SELENON: variants seen among roughly 807,000 people sequenced by gnomAD.
SELENON encodes selenoprotein N, 1.
In SELENON, 44 loss-of-function variants were observed where a neutral mutation model predicts 59.5. The observed-to-expected ratio is 0.74, with a 90% CI of 0.58 to 0.95. SELENON has a LOEUF of 0.95. Among genes scored for constraint, SELENON ranks in the 40% least tolerant of loss-of-function variants. The probability of loss-of-function intolerance (pLI) is 0.00; values close to 1 mark genes in which losing one functional copy is unlikely to be tolerated. For synonymous variants in SELENON, 320 were observed against 305.6 expected (o/e 1.05, Z -0.49); for missense variants, 674 against 721.4 (o/e 0.93, Z 0.75).
intron 10 of SELENON, chr1:25,813,443 AG>A: frequency 5.8e-6 from 2 of 342,562 alleles, no homozygotes; most frequent in South Asian, 4.6e-5. Context: ...AGTGTTCTAC[AG>A]GGGACAGTCC....
chr1:25,809,273 C>A, intron 6 of SELENON, 123 bp downstream of exon 5: 1 of 1,450,588 alleles, frequency 6.9e-7, no homozygotes, highest in Non-Finnish European at 9.4e-7. Flanking sequence ...CTTGGGCAAG[C>A]AGCTTTGGCT....
At position 25,813,912 on chromosome 1, in the gene SELENON, G is replaced by A. The variant is rs746181391; in HGVS notation, c.1419G>A (p.Leu473=). The change falls in exon 11 of 13, where the codon CTG becomes CTA. Residue 473 remains leucine, a synonymous_variant. Coordinates refer to ENST00000361547, the MANE Select transcript of SELENON (RefSeq NM_020451.3). Reference sequence around the variant, plus strand: ...GGCGGACTCTCCGGGAGACTGTCCTGGAAAGTTCGCCCATCCTCACCCTGC... The same window carrying A: ...GGCGGACTCTCCGGGAGACTGTCCTAGAAAGTTCGCCCATCCTCACCCTGC... 19 of 1,613,980 alleles carry A rather than the reference G, an allele frequency of 1.2e-5. No individual in the cohort carries two copies. The Admixed American group carries it at 2.0e-4, about 17-fold the overall frequency.
In SELENON at chr1:25,809,745, A is replaced by G. The variant is rs775897489; in HGVS notation, c.935A>G (p.Gln312Arg). Residue 312 changes from glutamine to arginine, a missense_variant, in exon 7 of 13, where the codon CAG becomes CGG. Coordinates refer to ENST00000361547, the MANE Select transcript of SELENON (RefSeq NM_020451.3). ...TTCCCCTTTTGGTTCTCCCCTGCTCAGTTCACCGGCCACATCATCCTCTCC... is the reference window on the plus strand; with the variant it reads ...TTCCCCTTTTGGTTCTCCCCTGCTCGGTTCACCGGCCACATCATCCTCTCC... The G allele has an allele frequency of 4.0e-5, 65 of 1,613,936 alleles. 1 individual carries two copies. Among genetic ancestry groups the G allele is most frequent in the South Asian group, 2.3e-4 (21 of 91,084 alleles).
chr1:25,809,607 T>C (rs2047940362), intron 6 of SELENON, 76 bp from the exon 6 acceptor site: 1 of 1,600,760 alleles, frequency 6.2e-7, no homozygotes, highest in Non-Finnish European at 8.5e-7. Flanking sequence ...CTCTCCCTGA[T>C]GATTCTGGCC....
Position 25,811,759 on chromosome 1 carries a change from C to T in SELENON, c.1161C>T (p.Asp387=), listed in dbSNP as rs1394818055. 5.6e-6 allele frequency: 9 copies of T among 1,597,804 alleles called. No individual in the cohort carries two copies. The highest frequency in any genetic ancestry group is 7.7e-6 in the Non-Finnish European group (9 of 1,172,694). ...TGGATGAGGATGGCAGCATGATCGA[C>T]AGCCACCTGCCTTCAGGGGAGCCCC... Residue 387 remains aspartate, a synonymous_variant, in exon 9 of 13, where the codon GAC becomes GAT. Coordinates refer to ENST00000361547, the MANE Select transcript of SELENON (RefSeq NM_020451.3).
Position 25,808,435 on chromosome 1 carries a change from C to G in SELENON, c.538-145C>G, listed in dbSNP as rs4659382. On this transcript the variant is annotated intron_variant, in intron 4 of 12. Coordinates refer to ENST00000361547, the MANE Select transcript of SELENON (RefSeq NM_020451.3). ...GGGATATTGCTAAGCTTGTGGCCAT[C>G]ATAAGGGCAGGAACCTCCCTGGGGT... 0.24 allele frequency: 210,316 copies of G among 872,964 alleles called. 27,600 individuals are homozygous for G. Among genetic ancestry groups the G allele is most frequent in the East Asian group, 0.37 (14,905 of 40,600 alleles). The allele number at this position is 872,964 out of a possible 1,614,324, so 54.1% of individuals were successfully genotyped here. A position where few individuals can be genotyped will look rare whatever the true frequency, so the allele number is the denominator to read the frequency against.
chr1:25,809,522 C>T (rs767455951), intron 6 of SELENON, among the ~76,000 whole-genome samples, 161 bp from the exon 6 acceptor site: 1 of 152,146 alleles, frequency 6.6e-6, no homozygotes, highest in Non-Finnish European at 1.5e-5. Context: ...ACCCGGGCCT[C>T]GAAGGATGAG....
At chr1:25,800,498 G>T in intron 1 of SELENON, 85 bp downstream of exon 1, 1 of 749,898 alleles carries the variant, frequency 1.3e-6, no homozygotes, top group Non-Finnish European at 1.7e-6. Context: ...CATGGGCATG[G>T]ACGAGTCGGG....
rs1183908348 is a variant in SELENON, at chr1:25,816,389, G to C, written c.*671G>C. The C allele has an allele frequency of 2.0e-5, 3 of 152,890 alleles. No individual in the cohort carries two copies. Among genetic ancestry groups the C allele is most frequent in the African/African-American group, 7.2e-5 (3 of 41,476 alleles). The allele number at this position is 152,890 out of a possible 1,614,324, so 9.5% of individuals were successfully genotyped here. On this transcript the variant is annotated 3_prime_UTR_variant, in exon 13 of 13. Coordinates refer to ENST00000361547, the MANE Select transcript of SELENON (RefSeq NM_020451.3). ...ATCTGGGGAAGTTTACTGTGAAGGG[G>C]TTTCTGCCTTTAGCAATGGGGTTCA...
chr1:25,801,228 C>G, intron 2 of SELENON, 68 bp downstream of exon 2: 6 of 1,252,190 alleles, frequency 4.8e-6, no homozygotes, highest in Non-Finnish European at 7.1e-6. Context: ...TGAGCAGGAG[C>G]GGCCGTCTGG....
intron 1 of SELENON, 90 bp downstream of exon 1, chr1:25,800,503 G>A (rs1190010622): frequency 5.6e-6 from 4 of 717,534 alleles, no homozygotes; most frequent in Non-Finnish European, 7.1e-6. Flanking sequence ...GCATGGACGA[G>A]TCGGGGGAGG....
intron 9 of SELENON, 80 bp from the exon 9 acceptor site, chr1:25,812,605 ACT>A: frequency 1.1e-6 from 1 of 879,642 alleles, no homozygotes; most frequent in Non-Finnish European, 1.8e-6. Flanking sequence ...ACACACACAC[ACT>A]TGCACACACT....
rs543078948 is a variant in SELENON at position 25,807,047 on chromosome 1, C to G, written c.538-1533C>G. Among the ~76,000 whole-genome samples the G allele has an allele frequency of 5.9e-5, 9 of 152,198 alleles. No individual in the cohort carries two copies. Among genetic ancestry groups the G allele is most frequent in the African/African-American group, 1.7e-4 (7 of 41,524 alleles). On this transcript the variant is annotated intron_variant, in intron 4 of 12. Transcript: ENST00000361547. The surrounding 1 kb of genome is among the most constrained non-coding windows in gnomAD (Gnocchi z 4.5). ...CCATGTTGACCAGGATGGTTTCAATCTCCTGACCTCGTGATCCACCTGCCT... is the reference window on the plus strand; with the variant it reads ...CCATGTTGACCAGGATGGTTTCAATGTCCTGACCTCGTGATCCACCTGCCT...
At position 25,800,214 on chromosome 1, in the gene SELENON, C is replaced by T; in HGVS notation, c.-17C>T. 5 of 641,302 alleles carry T rather than the reference C, an allele frequency of 7.8e-6. No homozygotes were observed. Among genetic ancestry groups the T allele is most frequent in the Non-Finnish European group, 9.6e-6 (5 of 518,258 alleles). The allele number at this position is 641,302 out of a possible 1,614,324, so 39.7% of individuals were successfully genotyped here. On this transcript the variant is annotated 5_prime_UTR_variant, in exon 1 of 13. Transcript: ENST00000361547. ...TTTCGCTTCCCGGGCCGCCGGCAGC[C>T]GCCGCCAGCCGCAGCCATGGGCCGG...
At chr1:25,811,606 G>A in intron 8 of SELENON, 71 bp downstream of exon 7, 2 of 1,603,344 alleles carry the variant, frequency 1.2e-6, no homozygotes, top group Non-Finnish European at 1.7e-6. Context: ...GCAATGAGTG[G>A]AGCATTTTGG....
At chr1:25,812,872 G>A in intron 10 of SELENON, 80 bp downstream of exon 9, 1 of 1,087,134 alleles carries the variant, frequency 9.2e-7, no homozygotes, top group Non-Finnish European at 1.4e-6. Flanking sequence ...GAGACCAATG[G>A]GACTCTTCTG....
chr1:25,803,248 A>G (rs1439877423), intron 3 of SELENON, among the ~76,000 whole-genome samples: 6 of 152,310 alleles, frequency 3.9e-5, no homozygotes, highest in Non-Finnish European at 8.8e-5. Context: ...TCATAATGAC[A>G]TGTTAGCAAA....
rs914415457 is a variant in SELENON, at chr1:25,818,069, T to C, written c.*2351T>C. On this transcript the variant is annotated 3_prime_UTR_variant, in exon 13 of 13. Coordinates refer to ENST00000361547, the MANE Select transcript of SELENON (RefSeq NM_020451.3). Reference sequence around the variant, plus strand: ...TCCCATGGAAAATGATGGCCTGGGCTTTCTGAGGCCTTATCTGATGCCTCT... The same window carrying C: ...TCCCATGGAAAATGATGGCCTGGGCCTTCTGAGGCCTTATCTGATGCCTCT... The C allele has an allele frequency of 6.6e-6, 1 of 152,346 alleles. No homozygotes were observed. Among genetic ancestry groups the C allele is most frequent in the African/African-American group, 2.4e-5 (1 of 41,468 alleles). 9.4% of individuals were successfully genotyped at this position (152,346 alleles called of 1,614,324 possible).
chr1:25,809,546 G>C (rs890111778), intron 6 of SELENON, 137 bp from the exon 6 acceptor site: 6 of 1,238,356 alleles, frequency 4.8e-6, no homozygotes. Context: ...CATTTGGAGA[G>C]CCTCGCTGCT....
Sources: gnomAD v4.1 joint callset for allele counts (sites outside exome capture counted in the v4.1 genomes callset) on GRCh38, gnomAD v4.1.1 for gene constraint, Gnocchi (gnomAD v3.1) non-coding constraint, MANE v1.5 for transcripts, NCBI Gene and HGNC (gene_info 2026-07-23, HGNC 2026-07-21) for gene names.